The following MTMR8 variants were observed in gnomAD, a reference collection of about 807,000 sequenced individuals.
MTMR8 encodes the protein phosphatidylinositol-3,5-bisphosphate 3-phosphatase MTMR8.
In MTMR8, 65 loss-of-function variants were observed where a neutral mutation model predicts 39.3. The ratio of observed to expected loss-of-function variants is 1.65; its 90% confidence interval spans 1.35 to 2.03. The LOEUF (loss-of-function observed/expected upper bound fraction) is 2.03, where lower values mean the gene tolerates loss of function less well. Ranked by LOEUF, MTMR8 falls within the 30% of genes most tolerant of loss-of-function variation. MTMR8 has a pLI of 0.00. For missense variants in MTMR8, 777 were observed against 538.9 expected, an observed-to-expected ratio of 1.44 and a Z score of -4.37; for synonymous variants, 245 against 185.2, an observed-to-expected ratio of 1.32 and a Z score of -2.62.
intron 1 of MTMR8, among the ~76,000 whole-genome samples, chrX:64,388,416 A>G (rs761740267): frequency 3.6e-5 from 4 of 112,136 alleles, no homozygotes; most frequent in South Asian, 7.5e-4. Context: ...AATATGTAAC[A>G]GGAGGAAGGA....
At chrX:64,296,572 GGT>G (rs1491441611) in intron 12 of MTMR8, among the ~76,000 whole-genome samples, 2 of 93,788 alleles carry the variant, frequency 2.1e-5, no homozygotes, top group Admixed American at 1.1e-4. Flanking sequence ...ACCCTATGCT[GGT>G]TTTTTTTTTT....
intron 12 of MTMR8, among the ~76,000 whole-genome samples, chrX:64,287,595 A>C (rs1359602225): frequency 2.7e-5 from 3 of 111,164 alleles, no homozygotes; most frequent in Non-Finnish European, 5.7e-5. Context: ...CCAAAACAGC[A>C]TGGTACTGCT....
chrX:64,291,640 G>T (rs188884040), intron 12 of MTMR8, among the ~76,000 whole-genome samples: 2 of 111,440 alleles, frequency 1.8e-5, no homozygotes, highest in Admixed American at 1.9e-4. Flanking sequence ...TGGAATTTTG[G>T]TGATGACCAG....
intron 12 of MTMR8, among the ~76,000 whole-genome samples, chrX:64,294,233 A>G (rs972586616): frequency 6.3e-5 from 7 of 111,943 alleles, no homozygotes; most frequent in Non-Finnish European, 1.1e-4. Context: ...ATGACATTCA[A>G]AACAACATAG....
At chrX:64,324,503 T>C (rs1216637091) in intron 12 of MTMR8, among the ~76,000 whole-genome samples, 1 of 110,456 alleles carries the variant, frequency 9.1e-6, no homozygotes, top group Non-Finnish European at 1.9e-5. Context: ...GGCAACATAG[T>C]GAGACCCCCA....
intron 1 of MTMR8, among the ~76,000 whole-genome samples, chrX:64,375,721 C>T (rs762068000): frequency 9.0e-6 from 1 of 111,728 alleles, no homozygotes; most frequent in Non-Finnish European, 1.9e-5. Flanking sequence ...GAAGTAGGCC[C>T]TCTCCAGATA....
At chrX:64,366,853 C>A (rs763316047) in intron 1 of MTMR8, among the ~76,000 whole-genome samples, 1 of 111,278 alleles carries the variant, frequency 9.0e-6, no homozygotes, top group Admixed American at 9.5e-5. Flanking sequence ...ATTGATAGAC[C>A]ACTAGCAAGA....
rs770128710 is a variant in MTMR8, at chrX:64,305,033, C to A, written c.1481+23739G>T. The stretch of plus-strand genomic sequence containing the variant: ...GTATATAAATTGTACCTAACTTCCA[C>A]AATACTGTTCTAAAACTGGAACTGT... On this transcript the variant is annotated intron_variant, in intron 12 of 13. Transcript: ENST00000374852. 4 of 168,520 alleles carry A rather than the reference C, an allele frequency of 2.4e-5. No individual in the cohort carries two copies. In the South Asian group the frequency reaches 4.0e-4, roughly 17 times the overall value. The allele number at this position is 168,520 out of a possible 1,213,427, so 13.9% of individuals were successfully genotyped here. A position where few individuals can be genotyped will look rare whatever the true frequency, so the allele number is the denominator to read the frequency against.
Position 64,273,255 on chromosome X carries a change from A to G in MTMR8, c.1482-2182T>C, listed in dbSNP as rs748401165. 2.7e-5 allele frequency among the ~76,000 whole-genome samples: 3 copies of G among 111,434 alleles called. No individual in the cohort carries two copies. In the South Asian group the frequency reaches 1.1e-3, roughly 42 times the overall value. On this transcript the variant is annotated intron_variant, in intron 12 of 13. Coordinates refer to ENST00000374852, the MANE Select transcript of MTMR8 (RefSeq NM_017677.4). ...AGAATAATTATAAAGTATGCTAATGAATATACAATATAAATAAATGTAAAC... is the reference window on the plus strand; with the variant it reads ...AGAATAATTATAAAGTATGCTAATGGATATACAATATAAATAAATGTAAAC...
chrX:64,305,574 T>C, intron 12 of MTMR8: 1 of 481,070 alleles, frequency 2.1e-6, no homozygotes, highest in East Asian at 3.8e-5. Flanking sequence ...AGTAGCCATG[T>C]TGCTCACAGC....
chrX:64,346,755 G>C (rs745623843), intron 6 of MTMR8, among the ~76,000 whole-genome samples: 1 of 110,481 alleles, frequency 9.1e-6, no homozygotes, highest in Non-Finnish European at 1.9e-5. Context: ...TTTGGTGTTG[G>C]ATTTGAACAA....
At chrX:64,384,859 T>A (rs1192101398) in intron 1 of MTMR8, among the ~76,000 whole-genome samples, 1 of 112,757 alleles carries the variant, frequency 8.9e-6, no homozygotes, top group Non-Finnish European at 1.9e-5. Flanking sequence ...TGGCTATCAC[T>A]ATTTGCCTCA....
At position 64,331,660 on chromosome X, in the gene MTMR8, A is replaced by G; in HGVS notation, c.1249T>C (p.Phe417Leu). The change falls in exon 11 of 14, where the codon TTT (phenylalanine) becomes CTT (leucine). Residue 417 changes from phenylalanine to leucine, a missense_variant. Transcript: ENST00000374852. ...AGCAGGAAGTTTTCATTAAACTCAA[A>G]GGCACAGGGAAACTGTTCCATTAAT... ...WQLMEQFPCA[F>L]EFNENFLLEI... is the part of the protein sequence containing the mutation. 2 of 1,210,358 alleles carry G rather than the reference A, an allele frequency of 1.7e-6. No individual in the cohort carries two copies. Among genetic ancestry groups the G allele is most frequent in the Non-Finnish European group, 2.2e-6 (2 of 894,444 alleles).
intron 4 of MTMR8, among the ~76,000 whole-genome samples, chrX:64,352,887 T>C (rs1380181579): frequency 4.5e-5 from 5 of 111,489 alleles, no homozygotes; most frequent in Non-Finnish European, 9.4e-5. Context: ...AACACAAATA[T>C]ATATATATAT....
At chrX:64,301,364 C>T (rs1390078557) in intron 12 of MTMR8, among the ~76,000 whole-genome samples, 3 of 105,808 alleles carry the variant, frequency 2.8e-5, no homozygotes, top group East Asian at 3.0e-4. Flanking sequence ...TCCAGTTGAT[C>T]GCATCGGCTC....
chrX:64,379,353 A>G (rs751053563), intron 1 of MTMR8, among the ~76,000 whole-genome samples: 77 of 112,191 alleles, frequency 6.9e-4, no homozygotes, highest in African/African-American at 2.4e-3. Context: ...AATATTTTTC[A>G]TGAACATAGA....
chrX:64,287,227 G>T (rs1298915258), intron 12 of MTMR8, among the ~76,000 whole-genome samples: 1 of 111,106 alleles, frequency 9.0e-6, no homozygotes, highest in South Asian at 3.8e-4. Flanking sequence ...GCTTCAAAGA[G>T]AATAAAATAC....
chrX:64,302,229 G>A (rs1318418414), intron 12 of MTMR8, among the ~76,000 whole-genome samples: 3 of 112,529 alleles, frequency 2.7e-5, no homozygotes, highest in Non-Finnish European at 5.6e-5. Context: ...TTCCGCGGGC[G>A]TAGGACCCTC....
chrX:64,343,480 CAGTGAATT>C, intron 8 of MTMR8, 123 bp downstream of exon 8: 1 of 434,493 alleles, frequency 2.3e-6, no homozygotes, highest in East Asian at 3.8e-5. Context: ...CAAGGGCACA[CAGTGAATT>C]AGTGGCAGAG....
Sources: allele counts gnomAD v4.1 joint callset (sites outside exome capture counted in the v4.1 genomes callset), GRCh38; gene constraint gnomAD v4.1.1; transcripts MANE v1.5; gene names NCBI Gene and HGNC (gene_info 2026-07-23, HGNC 2026-07-21).